SLC8A3: variants seen among roughly 807,000 people sequenced by gnomAD.
SLC8A3 encodes the protein sodium/calcium exchanger 3.
SLC8A3 carries 37 observed loss-of-function variants against 65.4 expected under a neutral mutation model. That is an observed-to-expected ratio of 0.57 (90% CI 0.44 to 0.74). The LOEUF is 0.74. Among genes scored for constraint, SLC8A3 ranks in the 30% least tolerant of loss-of-function variants. SLC8A3 has a pLI of 0.00. For missense variants in SLC8A3, 1,112 were observed against 1,172.1 expected, an observed-to-expected ratio of 0.95 and a Z score of 0.75; for synonymous variants, 461 against 444.5, an observed-to-expected ratio of 1.04 and a Z score of -0.47.
At chr14:70,074,113 A>G (rs1890261943) in intron 2 of SLC8A3, among the ~76,000 whole-genome samples, 2 of 152,248 alleles carry the variant, frequency 1.3e-5, no homozygotes, top group South Asian at 4.1e-4. Context: ...CTCCAGGCAC[A>G]TAGAAGCCAA....
At chr14:70,112,628 G>A (rs1185234095) in intron 2 of SLC8A3, among the ~76,000 whole-genome samples, 5 of 152,188 alleles carry the variant, frequency 3.3e-5, no homozygotes, top group Admixed American at 1.3e-4. Context: ...CATCCTGAAT[G>A]TATTAGTTTC....
At chr14:70,098,835 G>A (rs972946650) in intron 2 of SLC8A3, among the ~76,000 whole-genome samples, 4 of 152,198 alleles carry the variant, frequency 2.6e-5, no homozygotes, top group Admixed American at 2.6e-4. Context: ...TCCTGGTAGT[G>A]CTTTGATTAT....
At chr14:70,116,793 A>C (rs1188325828) in intron 2 of SLC8A3, among the ~76,000 whole-genome samples, 1 of 152,248 alleles carries the variant, frequency 6.6e-6, no homozygotes, top group Non-Finnish European at 1.5e-5. Flanking sequence ...TGCCTTTAAA[A>C]ACAAATCATT....
At chr14:70,057,060 G>A (rs2139787141) in intron 3 of SLC8A3, among the ~76,000 whole-genome samples, 1 of 152,202 alleles carries the variant, frequency 6.6e-6, no homozygotes, top group South Asian at 2.1e-4. Flanking sequence ...GGAACCAGGG[G>A]GGACATGTCT....
In SLC8A3 at chr14:70,058,640, C is replaced by T. The variant is rs144523726; in HGVS notation, c.1888+2196G>A. 4.7e-4 allele frequency among the ~76,000 whole-genome samples: 71 copies of T among 152,326 alleles called. No homozygotes were observed. The Middle Eastern group carries it at 0.01, about 22-fold the overall frequency. On this transcript the variant is annotated intron_variant, in intron 3 of 6. Coordinates refer to ENST00000356921, the MANE Select transcript of SLC8A3 (RefSeq NM_182932.3). ...TCCTTAAATGGGGATTAGCCAAAGA[C>T]ATTTGCATTTGGTTAGGTCTCTTGA...
intron 2 of SLC8A3, among the ~76,000 whole-genome samples, chr14:70,137,468 A>G (rs1190214042): frequency 1.3e-5 from 2 of 152,040 alleles, no homozygotes; most frequent in Non-Finnish European, 2.9e-5. Flanking sequence ...AGCAAGTCAT[A>G]TTTCAAAAGT....
intron 2 of SLC8A3, among the ~76,000 whole-genome samples, chr14:70,068,529 C>T (rs1285063456): frequency 6.6e-6 from 1 of 152,012 alleles, no homozygotes; most frequent in Non-Finnish European, 1.5e-5. Flanking sequence ...GGGTGCATGC[C>T]ACCATGCCCA....
intron 1 of SLC8A3, among the ~76,000 whole-genome samples, chr14:70,175,865 G>C (rs1897875746): frequency 6.6e-6 from 1 of 151,830 alleles, no homozygotes; most frequent in African/African-American, 2.4e-5. Flanking sequence ...CTCCCAAGTA[G>C]TTGGGATTAC....
chr14:70,103,502 A>T (rs1892664097), intron 2 of SLC8A3, among the ~76,000 whole-genome samples: 1 of 152,082 alleles, frequency 6.6e-6, no homozygotes, highest in South Asian at 2.1e-4. Flanking sequence ...ATACGGAAAC[A>T]ATAGCACAAA....
At chr14:70,162,529 C>T (rs748713709) in intron 2 of SLC8A3, among the ~76,000 whole-genome samples, 70 of 152,156 alleles carry the variant, frequency 4.6e-4, no homozygotes, top group Non-Finnish European at 3.8e-4. Context: ...TTGGCATTTA[C>T]ATATTTGACA....
At chr14:70,093,871 G>A (rs192435631) in intron 2 of SLC8A3, among the ~76,000 whole-genome samples, 20 of 152,290 alleles carry the variant, frequency 1.3e-4, no homozygotes, top group Non-Finnish European at 2.2e-4. Flanking sequence ...CACACCCTCT[G>A]GTACCTGCCC....
intron 2 of SLC8A3, among the ~76,000 whole-genome samples, chr14:70,114,188 C>G (rs1283298221): frequency 6.6e-6 from 1 of 152,106 alleles, no homozygotes; most frequent in East Asian, 1.9e-4. Context: ...AGAGCCTCAC[C>G]CTCTGCGGAC....
intron 1 of SLC8A3, among the ~76,000 whole-genome samples, chr14:70,170,364 T>A (rs1360560446): frequency 6.6e-6 from 1 of 152,198 alleles, no homozygotes; most frequent in African/African-American, 2.4e-5. Flanking sequence ...ATTATTCTCA[T>A]TCATCTTTGA....
intron 2 of SLC8A3, among the ~76,000 whole-genome samples, chr14:70,130,517 C>T (rs960559890): frequency 6.6e-6 from 1 of 152,226 alleles, no homozygotes; most frequent in African/African-American, 2.4e-5. Flanking sequence ...TTCCTGCAGT[C>T]CTCTGCAAGG....
At chr14:70,149,504 T>C (rs1896130443) in intron 2 of SLC8A3, among the ~76,000 whole-genome samples, 1 of 152,172 alleles carries the variant, frequency 6.6e-6, no homozygotes, top group Non-Finnish European at 1.5e-5. Context: ...GAAGCTGTAA[T>C]TGTTCTGTTT....
chr14:70,177,355 A>G (rs1028904839), intron 1 of SLC8A3, among the ~76,000 whole-genome samples: 1 of 152,248 alleles, frequency 6.6e-6, no homozygotes, highest in Non-Finnish European at 1.5e-5. Context: ...TGAACAAAAT[A>G]TAATCCCTCT....
intron 1 of SLC8A3, among the ~76,000 whole-genome samples, chr14:70,183,075 T>G (rs17093693): frequency 0.86 from 130,444 of 152,174 alleles, 55,993 homozygotes; most frequent in Admixed American, 0.88. Flanking sequence ...CCTGTCTAGT[T>G]ATTTGGAAAT....
chr14:70,127,490 G>T (rs1231563376), intron 2 of SLC8A3, among the ~76,000 whole-genome samples: 1 of 152,168 alleles, frequency 6.6e-6, no homozygotes, highest in African/African-American at 2.4e-5. Context: ...TCCTATAAGT[G>T]TGGTCAGTAG....
intron 2 of SLC8A3, among the ~76,000 whole-genome samples, chr14:70,148,453 T>C (rs1365942538): frequency 6.6e-6 from 1 of 152,152 alleles, no homozygotes; most frequent in Non-Finnish European, 1.5e-5. Context: ...AGGAAAGGAA[T>C]ACAGAAGACA....
Sources: allele counts gnomAD v4.1 joint callset (sites outside exome capture counted in the v4.1 genomes callset), GRCh38; gene constraint gnomAD v4.1.1; transcripts MANE v1.5; gene names NCBI Gene and HGNC (gene_info 2026-07-23, HGNC 2026-07-21).